The following GRIK4 variants were observed in gnomAD, a reference collection of about 807,000 sequenced individuals.
GRIK4 encodes glutamate receptor ionotropic, kainate 4.
In GRIK4, 40 loss-of-function variants were observed where a neutral mutation model predicts 104.9. The ratio of observed to expected loss-of-function variants is 0.38; its 90% CI spans 0.30 to 0.50. The LOEUF is 0.50. Among genes scored for constraint, GRIK4 ranks in the 20% least tolerant of loss-of-function variants. GRIK4 has a pLI of 0.93. For missense variants in GRIK4, 1,047 were observed against 1,308.1 expected (o/e 0.80, Z 3.08); for synonymous variants, 485 against 524.9 (o/e 0.92, Z 1.04).
At chr11:120,726,135 A>G (rs1951023922) in intron 3 of GRIK4, among the ~76,000 whole-genome samples, 2 of 152,192 alleles carry the variant, frequency 1.3e-5, no homozygotes, top group Admixed American at 1.3e-4. Context: ...GCATTTGAAC[A>G]TGTTTTGGGG....
At chr11:120,527,519 G>T (rs1218634488) in intron 1 of GRIK4, among the ~76,000 whole-genome samples, 1 of 152,210 alleles carries the variant, frequency 6.6e-6, no homozygotes, top group Non-Finnish European at 1.5e-5. Flanking sequence ...CCTGGAGCCC[G>T]TGCTGGGGAT....
intron 3 of GRIK4, among the ~76,000 whole-genome samples, chr11:120,731,260 T>G (rs1279690020): frequency 2.3e-5 from 3 of 130,790 alleles, no homozygotes; most frequent in Admixed American, 7.5e-5. Flanking sequence ...TTTTTTTTAG[T>G]TTTTTTTTTT....
In GRIK4 at chr11:120,760,386, T is replaced by TATATACATATATATAAACATAG. The variant is rs1565336808; in HGVS notation, c.83-42293_83-42272dup. Among the ~76,000 whole-genome samples the TATATACATATATATAAACATAG allele has an allele frequency of 2.7e-5, 4 of 147,460 alleles. No homozygotes were observed. In the East Asian group the frequency reaches 5.8e-4, roughly 22 times the overall value. ...AATATTTTATATATATATAAACATA[T>TATATACATATATATAAACATAG]ATATACATATATATAAACATAGATA... On this transcript the variant is annotated intron_variant, in intron 3 of 20. Coordinates refer to ENST00000527524, the MANE Select transcript of GRIK4 (RefSeq NM_014619.5).
At chr11:120,700,808 T>C (rs1390000390) in intron 3 of GRIK4, among the ~76,000 whole-genome samples, 1 of 152,198 alleles carries the variant, frequency 6.6e-6, no homozygotes, top group Non-Finnish European at 1.5e-5. Context: ...GCCAGGCTGG[T>C]GTCGAACTTC....
At chr11:120,736,083 C>T (rs946544753) in intron 3 of GRIK4, among the ~76,000 whole-genome samples, 9 of 152,172 alleles carry the variant, frequency 5.9e-5, no homozygotes, top group African/African-American at 2.2e-4. Flanking sequence ...ACCCAAGGCC[C>T]ATGGTCTGTA....
chr11:120,548,182 A>G (rs1460628349), intron 1 of GRIK4, among the ~76,000 whole-genome samples: 2 of 152,162 alleles, frequency 1.3e-5, no homozygotes, highest in East Asian at 3.9e-4. Context: ...CCTGGCACCC[A>G]GGGGCTCTCG....
chr11:120,708,475 C>T lies in GRIK4; in HGVS notation c.82+48075C>T, dbSNP rs117702954. Among the ~76,000 whole-genome samples, 322 of 152,228 alleles carry T rather than the reference C, an allele frequency of 2.1e-3. 1 individual carries two copies. The highest frequency in any genetic ancestry group is 3.2e-3 in the Non-Finnish European group (215 of 68,012). ...CTCCTACTTAACAGCCAGGCAGAGA[C>T]GGGGCTGAGTGTGGGGCTCGGAGGT... On this transcript the variant is annotated intron_variant, in intron 3 of 20. Transcript: ENST00000527524.
chr11:120,934,326 T>G (rs1943549039), intron 13 of GRIK4, among the ~76,000 whole-genome samples: 1 of 149,220 alleles, frequency 6.7e-6, no homozygotes, highest in Non-Finnish European at 1.5e-5. Flanking sequence ...GGGAGGGAGA[T>G]GAGAAGGCTT....
intron 3 of GRIK4, among the ~76,000 whole-genome samples, chr11:120,753,919 A>G (rs2135428651): frequency 6.6e-6 from 1 of 152,108 alleles, no homozygotes; most frequent in East Asian, 1.9e-4. Flanking sequence ...TTTTTTCAGC[A>G]CCCCAAGAAG....
At position 120,940,223 on chromosome 11, in the gene GRIK4, A is replaced by G. The variant is rs1002146377; in HGVS notation, c.1477-124A>G. The G allele has an allele frequency of 5.1e-5, 32 of 630,574 alleles. No individual in the cohort carries two copies. Among genetic ancestry groups the G allele is most frequent in the Non-Finnish European group, 7.7e-5 (27 of 349,910 alleles). 39.1% of individuals were successfully genotyped at this position (630,574 alleles called of 1,614,324 possible). A position where few individuals can be genotyped will look rare whatever the true frequency, so the allele number is the denominator to read the frequency against. On this transcript the variant is annotated intron_variant, in intron 13 of 20. Transcript: ENST00000527524. The surrounding 1 kb of genome is among the most constrained non-coding windows in gnomAD (Gnocchi z 4.3). ...CTGTATGCAGTGTTGACTTAGAGCC[A>G]CTCCTCAAGCAAGAAGCCAGACCAG...
At chr11:120,768,326 T>A (rs1951875081) in intron 3 of GRIK4, among the ~76,000 whole-genome samples, 1 of 152,138 alleles carries the variant, frequency 6.6e-6, no homozygotes, top group African/African-American at 2.4e-5. Context: ...TTTTGTGGGA[T>A]CATTTTCTTG....
chr11:120,894,483 T>G (rs1305564335), intron 11 of GRIK4: 1 of 152,206 alleles, frequency 6.6e-6, no homozygotes. Context: ...TTTTTTCTTA[T>G]CTGCATTAAG....
chr11:120,517,804 G>A (rs1326213682), intron 1 of GRIK4, among the ~76,000 whole-genome samples: 5 of 152,124 alleles, frequency 3.3e-5, no homozygotes, highest in African/African-American at 9.7e-5. Flanking sequence ...CAGAGGAGTC[G>A]TAGTGGTGGC....
intron 8 of GRIK4, among the ~76,000 whole-genome samples, chr11:120,859,919 C>T (rs538806793): frequency 6.6e-6 from 1 of 152,224 alleles, no homozygotes; most frequent in African/African-American, 2.4e-5. Flanking sequence ...CACGTGTAAG[C>T]TAATGAAGCT....
At chr11:120,970,190 G>A (rs759606045) in intron 19 of GRIK4, among the ~76,000 whole-genome samples, 29 of 152,154 alleles carry the variant, frequency 1.9e-4, no homozygotes, top group Non-Finnish European at 2.4e-4. Context: ...AATAGCCTTC[G>A]CACCAGGAGC....
chr11:120,780,983 C>T (rs1952145073), intron 3 of GRIK4, among the ~76,000 whole-genome samples: 1 of 152,188 alleles, frequency 6.6e-6, no homozygotes, highest in Admixed American at 6.5e-5. Context: ...ACCTCGTGAT[C>T]TGCCTGCCTC....
At chr11:120,581,656 T>A (rs1187683457) in intron 1 of GRIK4, among the ~76,000 whole-genome samples, 1 of 152,220 alleles carries the variant, frequency 6.6e-6, no homozygotes, top group African/African-American at 2.4e-5. Context: ...TGGACTCATA[T>A]AGCATTTGCC....
chr11:120,713,393 G>A (rs1009259042), intron 3 of GRIK4, among the ~76,000 whole-genome samples: 2 of 152,140 alleles, frequency 1.3e-5, no homozygotes, highest in East Asian at 1.9e-4. Context: ...AAAGCCCCCC[G>A]AACCCAGGCA....
intron 14 of GRIK4, among the ~76,000 whole-genome samples, chr11:120,948,032 T>C (rs1277053276): frequency 6.6e-6 from 1 of 152,134 alleles, no homozygotes; most frequent in Non-Finnish European, 1.5e-5. Flanking sequence ...GAGTCAGAGG[T>C]GGAAAGTGCA....
Sources: allele counts gnomAD v4.1 joint callset (sites outside exome capture counted in the v4.1 genomes callset), GRCh38; gene constraint gnomAD v4.1.1; non-coding constraint Gnocchi (gnomAD v3.1); transcripts MANE v1.5; gene names NCBI Gene and HGNC (gene_info 2026-07-23, HGNC 2026-07-21).